The following WEE1 variants were observed in gnomAD, a reference collection of about 807,000 sequenced individuals.
WEE1 encodes the protein wee1-like protein kinase.
WEE1 carries 16 observed loss-of-function variants against 68.8 expected under a neutral mutation model. The ratio of observed to expected loss-of-function variants is 0.23; its 90% CI spans 0.16 to 0.35. The LOEUF is 0.35. WEE1 is among the 10% of genes least tolerant of loss of function. The probability of loss-of-function intolerance (pLI) is 1.00; values close to 1 mark genes in which losing one functional copy is unlikely to be tolerated. For missense variants in WEE1, 651 were observed against 824.1 expected (o/e 0.79, Z 2.57); for synonymous variants, 349 against 318.7 (o/e 1.09, Z -1.01).
chr11:9,580,458 C>CTTTTTTTTTTTTTTTTTTTTTTTT (rs374484716), intron 5 of WEE1: 2 of 126,924 alleles, frequency 1.6e-5, no homozygotes, highest in Non-Finnish European at 1.7e-5. Flanking sequence ...TTCTTTCTTT[C>CTTTTTTTTTTTTTTTTTTTTTTTT]TTTCTTTTTT....
At chr11:9,575,426 T>C (rs965057580) in intron 1 of WEE1, 2 of 997,394 alleles carry the variant, frequency 2.0e-6, no homozygotes, top group East Asian at 2.1e-4. Flanking sequence ...CTAGGCAATC[T>C]GTGTGCTTTC....
At chr11:9,575,322 G>T (rs540085376) in intron 1 of WEE1, 2 of 988,950 alleles carry the variant, frequency 2.0e-6, no homozygotes, top group Non-Finnish European at 2.4e-6. Context: ...TACTTCCAGA[G>T]ATTAAGACAA....
chr11:9,586,933 G>T, intron 10 of WEE1, 77 bp downstream of exon 10: 1 of 1,459,092 alleles, frequency 6.9e-7, no homozygotes, highest in Non-Finnish European at 9.2e-7. Context: ...GATGATTTAA[G>T]CTTTCTGTCA....
chr11:9,577,289 G>A (rs1849574511), intron 5 of WEE1, 26 bp downstream of exon 5: 1 of 1,600,794 alleles, frequency 6.2e-7, no homozygotes, highest in Non-Finnish European at 8.5e-7. Context: ...GTTTTCTTGT[G>A]AGCTTGAGAA....
intron 5 of WEE1, chr11:9,577,587 T>C: frequency 6.0e-6 from 2 of 331,056 alleles, no homozygotes; most frequent in Non-Finnish European, 1.2e-5. Flanking sequence ...TATTATGAAG[T>C]GTTAAGTTGA....
intron 5 of WEE1, chr11:9,579,631 A>G (rs756057682): frequency 6.6e-6 from 1 of 152,194 alleles, no homozygotes; most frequent in Non-Finnish European, 1.5e-5. Flanking sequence ...GGGCACAGCT[A>G]TGGTTGCTGG....
In WEE1 at chr11:9,574,872, C is replaced by A. The variant is rs919773621; in HGVS notation, c.576+363C>A. 1.0e-6 allele frequency: 1 copy of A among 988,228 alleles called. No individual in the cohort carries two copies. The allele number at this position is 988,228 out of a possible 1,614,324, so 61.2% of individuals were successfully genotyped here. A position where few individuals can be genotyped will look rare whatever the true frequency, so the allele number is the denominator to read the frequency against. On this transcript the variant is annotated intron_variant, in intron 1 of 10. Transcript: ENST00000450114. This position sits in a 1 kb window ranked among gnomAD's most constrained non-coding sequence, Gnocchi z 4.9. ...GGTGCCGGCCCGGCCACCTGACACT[C>A]CCGAGCCATAGGATGCCTTTTAAAC... is the stretch of plus-strand genomic sequence containing the variant.
At position 9,586,445 on chromosome 11, in the gene WEE1, A is replaced by G; in HGVS notation, c.1471-4A>G. The G allele has an allele frequency of 6.3e-7, 1 of 1,597,264 alleles. No individual in the cohort carries two copies. The highest frequency in any genetic ancestry group is 8.5e-7 in the Non-Finnish European group (1 of 1,172,330). On this transcript the variant is annotated splice_polypyrimidine_tract_variant and splice_region_variant and intron_variant, in intron 8 of 10. Transcript: ENST00000450114. ...TCCTTTAAAAAATTGTTTTAATTTT[A>G]CAGAATTATACCCATCTACCAAAAG...
chr11:9,584,621 A>AT (rs1214060344), intron 6 of WEE1, among the ~76,000 whole-genome samples: 1 of 146,254 alleles, frequency 6.8e-6, no homozygotes, highest in Non-Finnish European at 1.5e-5. Flanking sequence ...TGGCTAAATG[A>AT]CTCATTCTGC....
Position 9,581,724 on chromosome 11 carries a change from G to A in WEE1, c.1288+46G>A. ...GACCTGTGTTCTTTGGGGTTATAGA[G>A]AATAAATTACTTCATTATGACAACA... On this transcript the variant is annotated intron_variant, in intron 6 of 10. Coordinates refer to ENST00000450114, the MANE Select transcript of WEE1 (RefSeq NM_003390.4). The A allele has an allele frequency of 2.0e-6, 3 of 1,532,948 alleles. 1 individual carries two copies. Among genetic ancestry groups the A allele is most frequent in the Non-Finnish European group, 1.7e-6 (2 of 1,143,636 alleles). The allele number at this position is 1,532,948 out of a possible 1,614,324, so 95.0% of individuals were successfully genotyped here.
chr11:9,588,780 C>T lies in WEE1; in HGVS notation c.*178C>T, dbSNP rs1034662993. The T allele has an allele frequency of 4.0e-6, 5 of 1,247,228 alleles. No homozygotes were observed. The African/African-American group carries it at 7.7e-5, about 19-fold the overall frequency. The allele number at this position is 1,247,228 out of a possible 1,614,324, so 77.3% of individuals were successfully genotyped here. A position where few individuals can be genotyped will look rare whatever the true frequency, so the allele number is the denominator to read the frequency against. On this transcript the variant is annotated 3_prime_UTR_variant, in exon 11 of 11. Coordinates refer to ENST00000450114, the MANE Select transcript of WEE1 (RefSeq NM_003390.4). ...TTTGATGATTGCTATGTCAGGCTTT[C>T]ATCTAATCTTACCAGTCTGTCTTCT...
intron 1 of WEE1, chr11:9,575,466 C>T (rs920899027): frequency 1.2e-5 from 12 of 966,528 alleles, no homozygotes; most frequent in Middle Eastern, 1.0e-3. Flanking sequence ...CCGACTTGCT[C>T]AAGGCAAAAT....
intron 5 of WEE1, 178 bp downstream of exon 5, chr11:9,577,441 T>C (rs1849576287): frequency 4.5e-6 from 3 of 670,190 alleles, no homozygotes; most frequent in Non-Finnish European, 2.4e-6. Flanking sequence ...TGAAGCACCT[T>C]GTACATATCT....
chr11:9,582,555 A>G (rs1321564912), intron 6 of WEE1, among the ~76,000 whole-genome samples: 1 of 151,902 alleles, frequency 6.6e-6, no homozygotes, highest in Non-Finnish European at 1.5e-5. Flanking sequence ...ACAAGTCACT[A>G]AAGTTTCTTC....
Position 9,576,993 on chromosome 11 carries a change from A to G in WEE1, c.1020-149A>G, listed in dbSNP as rs923293371. On this transcript the variant is annotated intron_variant, in intron 4 of 10. Coordinates refer to ENST00000450114, the MANE Select transcript of WEE1 (RefSeq NM_003390.4). This position sits in a 1 kb window ranked among gnomAD's most constrained non-coding sequence, Gnocchi z 4.3. ...ATCTGCCTTTGGAAAAATCTCTTAC[A>G]AGTCTAAACCCCTTCTCTCTTAAGC... The G allele has an allele frequency of 1.0e-5, 8 of 795,616 alleles. No homozygotes were observed. Among genetic ancestry groups the G allele is most frequent in the Admixed American group, 3.5e-5 (1 of 28,674 alleles). The allele number at this position is 795,616 out of a possible 1,614,324, so 49.3% of individuals were successfully genotyped here. A position where few individuals can be genotyped will look rare whatever the true frequency, so the allele number is the denominator to read the frequency against.
Position 9,574,311 on chromosome 11 carries a change from G to A in WEE1, c.378G>A (p.Lys126=). ...GCTTCGGCTCCTCGTCGCCGGTCAA[G>A]TCGCCGGCGGCCCCCTACTTCCTGG... is the stretch of plus-strand genomic sequence containing the variant. ...EEGFGSSSPV[K]SPAAPYFLGS... is the part of the protein sequence containing the mutation. The change falls in exon 1 of 11, where the codon AAG becomes AAA. Residue 126 remains lysine, a synonymous_variant. Transcript: ENST00000450114. This position sits in a 1 kb window ranked among gnomAD's most constrained non-coding sequence, Gnocchi z 4.9. 7.9e-7 allele frequency: 1 copy of A among 1,269,160 alleles called. No homozygotes were observed. The highest frequency in any genetic ancestry group is 3.3e-5 in the East Asian group (1 of 30,682). The allele number at this position is 1,269,160 out of a possible 1,614,324, so 78.6% of individuals were successfully genotyped here. A position where few individuals can be genotyped will look rare whatever the true frequency, so the allele number is the denominator to read the frequency against.
In WEE1 at chr11:9,585,371, A is replaced by G. The variant is rs1257492301; in HGVS notation, c.1384+18A>G. ...TAAAATAGGTAAGAAAGGTAATCAG[A>G]TTATTACCTTCAGATAAAGAGAAGG... On this transcript the variant is annotated intron_variant, in intron 7 of 10. Coordinates refer to ENST00000450114, the MANE Select transcript of WEE1 (RefSeq NM_003390.4). 1 of 1,605,638 alleles carries G rather than the reference A, an allele frequency of 6.2e-7. No homozygotes were observed. Among genetic ancestry groups the G allele is most frequent in the Non-Finnish European group, 8.5e-7 (1 of 1,173,194 alleles).
Position 9,589,444 on chromosome 11 carries a change from G to C in WEE1, c.*842G>C, listed in dbSNP as rs1201048731. ...ATGTCTCCCCCTAAGTTTTATACTT[G>C]ATTGTATTATTAGTCTGTTTTTAAA... is the stretch of plus-strand genomic sequence containing the variant. On this transcript the variant is annotated 3_prime_UTR_variant, in exon 11 of 11. Transcript: ENST00000450114. 32 of 984,936 alleles carry C rather than the reference G, an allele frequency of 3.2e-5. No homozygotes were observed. The highest frequency in any genetic ancestry group is 3.7e-5 in the Non-Finnish European group (31 of 829,724). The allele number at this position is 984,936 out of a possible 1,614,324, so 61.0% of individuals were successfully genotyped here.
intron 6 of WEE1, among the ~76,000 whole-genome samples, chr11:9,582,950 G>A (rs1232605949): frequency 6.6e-6 from 1 of 152,200 alleles, no homozygotes; most frequent in Non-Finnish European, 1.5e-5. Context: ...CTCATATAAA[G>A]TGTTAGACAA....
Sources: gnomAD v4.1 joint callset for allele counts (sites outside exome capture counted in the v4.1 genomes callset) on GRCh38, gnomAD v4.1.1 for gene constraint, Gnocchi (gnomAD v3.1) non-coding constraint, MANE v1.5 for transcripts, NCBI Gene and HGNC (gene_info 2026-07-23, HGNC 2026-07-21) for gene names.